Variants in ZNF717 observed in about 807,000 individuals in gnomAD.
ZNF717 encodes zinc finger protein 717, also known as krueppel-like factor X17.
In ZNF717, 9 loss-of-function variants were observed where a neutral mutation model predicts 13.8. The observed-to-expected ratio is 0.65, with a 90% confidence interval of 0.39 to 1.14. ZNF717 has a LOEUF of 1.14. Ranked by LOEUF, ZNF717 falls within the 50% of genes most tolerant of loss-of-function variation. The pLI, the probability that ZNF717 is intolerant of heterozygous loss-of-function variation, is 0.01. For missense variants in ZNF717, 1,040 were observed against 1,080.7 expected, an observed-to-expected ratio of 0.96 and a Z score of 0.53; for synonymous variants, 327 against 364.1, an observed-to-expected ratio of 0.90 and a Z score of 1.16.
intron 5 of ZNF717, chr3:75,716,400 T>TGGAATAA (rs1938054880): frequency 6.6e-6 from 1 of 152,154 alleles, no homozygotes; most frequent in Non-Finnish European, 1.5e-5. Flanking sequence ...CACTGATCTT[T>TGGAATAA]ATTCCAGAAA....
intron 2 of ZNF717, among the ~76,000 whole-genome samples, chr3:75,770,019 T>G (rs1160141569): frequency 6.6e-6 from 1 of 152,236 alleles, no homozygotes; most frequent in Non-Finnish European, 1.5e-5. Flanking sequence ...TTTGCATATT[T>G]CTTTATTGGC....
At chr3:75,773,396 T>C (rs1226881637) in intron 2 of ZNF717, among the ~76,000 whole-genome samples, 1 of 152,318 alleles carries the variant, frequency 6.6e-6, no homozygotes, top group Non-Finnish European at 1.5e-5. Flanking sequence ...AAATGAATAA[T>C]GCCCTGAAGT....
intron 1 of ZNF717, 61 bp downstream of exon 1, chr3:75,785,323 G>C (rs1945084422): frequency 6.5e-6 from 1 of 152,750 alleles, no homozygotes; most frequent in Non-Finnish European, 1.5e-5. Flanking sequence ...TCTAGAACCC[G>C]CTTCACTGCC....
At chr3:75,760,383 T>C (rs191327256) in intron 2 of ZNF717, among the ~76,000 whole-genome samples, 677 of 150,740 alleles carry the variant, frequency 4.5e-3, no homozygotes, top group African/African-American at 0.016. Flanking sequence ...GAGTTAAGAA[T>C]GCTTAAAATA....
chr3:75,783,487 A>C, intron 1 of ZNF717, 123 bp from the exon 2 acceptor site: 1 of 694,388 alleles, frequency 1.4e-6, no homozygotes. Context: ...GAAAAAGAAA[A>C]ACTTCCCCAT....
At chr3:75,764,989 G>GGA (rs1411898350) in intron 2 of ZNF717, among the ~76,000 whole-genome samples, 1 of 48,054 alleles carries the variant, frequency 2.1e-5, no homozygotes, top group Non-Finnish European at 3.6e-5. Context: ...ATAAACAAAA[G>GGA]GATATATATA....
intron 2 of ZNF717, among the ~76,000 whole-genome samples, chr3:75,758,635 T>G (rs1484149695): frequency 2.0e-5 from 3 of 152,202 alleles, no homozygotes; most frequent in Non-Finnish European, 2.9e-5. Context: ...ACTTCAATGT[T>G]GTATTATTTT....
chr3:75,760,452 A>G (rs7624584), intron 2 of ZNF717, among the ~76,000 whole-genome samples: 23,722 of 151,568 alleles, frequency 0.16, 690 homozygotes, highest in African/African-American at 0.17. Context: ...ATTAAAAACA[A>G]CGCAATTATA....
At chr3:75,733,117 T>G (rs76989297), downstream of ZNF717, among the ~76,000 whole-genome samples, 1 of 151,452 alleles carries the variant, frequency 6.6e-6, no homozygotes, top group African/African-American at 2.4e-5. Flanking sequence ...TATTAGTAGA[T>G]TGAACACAAC....
chr3:75,779,592 C>G (rs1479210294), intron 2 of ZNF717, among the ~76,000 whole-genome samples: 1 of 139,354 alleles, frequency 7.2e-6, no homozygotes, highest in African/African-American at 2.7e-5. Flanking sequence ...AACCGCAACC[C>G]AAAACACTGG....
chr3:75,724,122 A>G (rs77214623), intron 4 of ZNF717, among the ~76,000 whole-genome samples: 1,433 of 113,492 alleles, frequency 0.013, no homozygotes, highest in Admixed American at 0.016. Flanking sequence ...TCCAACCGGT[A>G]GACAGGAGAC....
At chr3:75,765,031 G>GTA (rs1164959906) in intron 2 of ZNF717, among the ~76,000 whole-genome samples, 32 of 61,696 alleles carry the variant, frequency 5.2e-4, no homozygotes, top group African/African-American at 2.0e-3. Context: ...ATATATATAT[G>GTA]TATATGTGTG....
intron 4 of ZNF717, among the ~76,000 whole-genome samples, chr3:75,723,909 G>A (rs1938221162): frequency 6.6e-6 from 1 of 152,320 alleles, no homozygotes; most frequent in Non-Finnish European, 1.5e-5. Flanking sequence ...GCCATCCGGA[G>A]GCCTGTCTCC....
chr3:75,728,888 G>A (rs1243627776), downstream of ZNF717, among the ~76,000 whole-genome samples: 1 of 152,256 alleles, frequency 6.6e-6, no homozygotes, highest in Admixed American at 6.5e-5. Context: ...AACAGGGAGG[G>A]GGAACAATCA....
At position 75,736,871 on chromosome 3, in the gene ZNF717, T is replaced by C. The variant is rs1451169365; in HGVS notation, c.*7A>G. The C allele has an allele frequency of 6.5e-7, 1 of 1,538,966 alleles. No homozygotes were observed. The highest frequency in any genetic ancestry group is 2.0e-5 in the Admixed American group (1 of 50,172). ...TAATAGTAGCCAGAGAGGTGTAGGT[T>C]GTGTGTTCAAGGGAAAAAAGAGTGA... On this transcript the variant is annotated 3_prime_UTR_variant, in exon 5 of 5. Transcript: ENST00000652011.
chr3:75,738,889 G>C lies in ZNF717; in HGVS notation c.734C>G (p.Ala245Gly). 4.4e-6 allele frequency: 6 copies of C among 1,359,706 alleles called. No individual in the cohort carries two copies. Among genetic ancestry groups the C allele is most frequent in the Non-Finnish European group, 6.0e-6 (6 of 999,212 alleles). The allele number at this position is 1,359,706 out of a possible 1,614,324, so 84.2% of individuals were successfully genotyped here. Residue 245 changes from alanine (A) to glycine (G), a missense_variant, in exon 5 of 5, where the codon GCC becomes GGC. Around this residue, in one of 3 missense-constraint regions of ZNF717, gnomAD observed 873 missense variants for 832.8 expected, o/e 1.05. Coordinates refer to ENST00000652011, the MANE Select transcript of ZNF717 (RefSeq NM_001290208.3). ...GACAATAACAGCTGAGTTATTACAG[G>C]CTTTCTCATATTCATTATATTTACC... is the stretch of plus-strand genomic sequence containing the variant. ...TFGKYNEYEK[A>G]CNNSAVIVQV... is the part of the protein sequence containing the mutation.
chr3:75,734,090 G>A (rs1938858833), downstream of ZNF717, among the ~76,000 whole-genome samples: 1 of 152,068 alleles, frequency 6.6e-6, no homozygotes, highest in Non-Finnish European at 1.5e-5. Context: ...TTTATTTTGA[G>A]ACAGAGTCTC....
chr3:75,760,154 C>T (rs1055573317), intron 2 of ZNF717, among the ~76,000 whole-genome samples: 4 of 131,576 alleles, frequency 3.0e-5, no homozygotes, highest in African/African-American at 8.2e-5. Flanking sequence ...TCAGCCTCCA[C>T]GGTAGCTGGG....
At chr3:75,719,605 G>T (rs1373075771) in intron 4 of ZNF717, among the ~76,000 whole-genome samples, 4 of 152,238 alleles carry the variant, frequency 2.6e-5, no homozygotes, top group African/African-American at 9.6e-5. Context: ...TGTGCCCTAA[G>T]AAATTAAAGA....
Sources: gnomAD v4.1 joint callset for allele counts (sites outside exome capture counted in the v4.1 genomes callset) on GRCh38, gnomAD v4.1.1 for gene constraint, gnomAD v4.1.1 regional missense constraint, MANE v1.5 for transcripts, NCBI Gene and HGNC (gene_info 2026-07-23, HGNC 2026-07-21) for gene names.